Variants in TSC22D1 observed in about 807,000 individuals in gnomAD.
TSC22D1 encodes TSC22 domain family protein 1.
In TSC22D1, 9 loss-of-function variants were observed where a neutral mutation model predicts 74.2. That is an observed-to-expected ratio of 0.12 (90% CI 0.07 to 0.21). The LOEUF is 0.21. Ranked by LOEUF, TSC22D1 falls within the 10% of genes least tolerant of loss-of-function variation. TSC22D1 has a pLI of 1.00. For missense variants in TSC22D1, 1,427 were observed against 1,304.7 expected (o/e 1.09, Z -1.44); for synonymous variants, 586 against 492.5 (o/e 1.19, Z -2.51).
chr13:44,447,787 A>G (rs905696152), intron 1 of TSC22D1, among the ~76,000 whole-genome samples: 3 of 150,852 alleles, frequency 2.0e-5, no homozygotes, highest in Admixed American at 2.0e-4. Context: ...CATAACTACT[A>G]ATTCCAAAAG....
At position 44,545,649 on chromosome 13, in the gene TSC22D1, C is replaced by T. The variant is rs9595148; in HGVS notation, c.2912+27514G>A. ...CATTCTAGGATCTTGGGTTGCGTTACGTTCATAAGAGTGCACTTAGAAAAC... is the reference window on the plus strand; with the variant it reads ...CATTCTAGGATCTTGGGTTGCGTTATGTTCATAAGAGTGCACTTAGAAAAC... On this transcript the variant is annotated intron_variant, in intron 1 of 2. Coordinates refer to ENST00000458659, the MANE Select transcript of TSC22D1 (RefSeq NM_183422.4). Among the ~76,000 whole-genome samples, 963 of 150,644 alleles carry T rather than the reference C, an allele frequency of 6.4e-3. 5 individuals carry two copies. Among genetic ancestry groups the T allele is most frequent in the Non-Finnish European group, 0.011 (761 of 67,816 alleles).
At chr13:44,547,777 A>G (rs1881925140) in intron 1 of TSC22D1, among the ~76,000 whole-genome samples, 1 of 152,110 alleles carries the variant, frequency 6.6e-6, no homozygotes. Flanking sequence ...TAGGTAATGT[A>G]TTATGCTTTT....
chr13:44,548,250 C>T (rs1292985656), intron 1 of TSC22D1, among the ~76,000 whole-genome samples: 1 of 152,166 alleles, frequency 6.6e-6, no homozygotes, highest in Non-Finnish European at 1.5e-5. Context: ...GGCGCGGTGG[C>T]GCATGCCTGT....
At chr13:44,563,076 C>T (rs1883151776) in intron 1 of TSC22D1, among the ~76,000 whole-genome samples, 1 of 151,686 alleles carries the variant, frequency 6.6e-6, no homozygotes, top group Admixed American at 6.6e-5. Context: ...TGCACTCCAG[C>T]CTGGGCAACG....
intron 1 of TSC22D1, among the ~76,000 whole-genome samples, chr13:44,459,515 T>G (rs1876877264): frequency 6.6e-6 from 1 of 152,168 alleles, no homozygotes; most frequent in African/African-American, 2.4e-5. Context: ...TCATTCTTCC[T>G]GGACACGAGA....
chr13:44,561,502 C>T (rs759265511), intron 1 of TSC22D1, among the ~76,000 whole-genome samples: 5 of 152,220 alleles, frequency 3.3e-5, no homozygotes, highest in African/African-American at 4.8e-5. Flanking sequence ...CAAAGCCCAT[C>T]TGATACCAAC....
chr13:44,442,734 T>C (rs1172996555), intron 1 of TSC22D1, among the ~76,000 whole-genome samples: 4 of 151,810 alleles, frequency 2.6e-5, no homozygotes, highest in South Asian at 2.1e-4. Flanking sequence ...CTGGCCAATA[T>C]GGTGAAACCC....
At position 44,575,538 on chromosome 13, in the gene TSC22D1, G is replaced by T. The variant is rs1410625728; in HGVS notation, c.537C>A (p.Asn179Lys). ...ERSSSEETLN[N>K]FQEAETPGAV... ...CCCCAGGTGTCTCGGCTTCCTGGAA[G>T]TTATTTAGGGTCTCTTCTGAGGAGC... Residue 179 changes from asparagine to lysine, a missense_variant, in exon 1 of 3, where the codon AAC becomes AAA. By Grantham distance (94) the Asn-to-Lys change is moderately conservative. Coordinates refer to ENST00000458659, the MANE Select transcript of TSC22D1 (RefSeq NM_183422.4). 6.2e-7 allele frequency: 1 copy of T among 1,613,992 alleles called. No individual in the cohort carries two copies. The highest frequency in any genetic ancestry group is 8.5e-7 in the Non-Finnish European group (1 of 1,180,032).
chr13:44,517,827 G>A (rs866446789), intron 1 of TSC22D1, among the ~76,000 whole-genome samples: 294 of 24,560 alleles, frequency 0.012, 2 homozygotes, highest in African/African-American at 0.029. Context: ...GTGTGTGTGT[G>A]TGTATATATA....
At position 44,557,047 on chromosome 13, in the gene TSC22D1, G is replaced by T. The variant is rs568681762; in HGVS notation, c.2912+16116C>A. ...AATCCCAGCTACTTGGGAGGCTGAG[G>T]CAGGAGAATGGCTTGAACCCGGGAG... On this transcript the variant is annotated intron_variant, in intron 1 of 2. Coordinates refer to ENST00000458659, the MANE Select transcript of TSC22D1 (RefSeq NM_183422.4). Among the ~76,000 whole-genome samples, 4 of 152,064 alleles carry T rather than the reference G, an allele frequency of 2.6e-5. No individual in the cohort carries two copies. In the South Asian group the frequency reaches 8.3e-4, roughly 32 times the overall value.
intron 1 of TSC22D1, among the ~76,000 whole-genome samples, chr13:44,535,624 AC>A (rs1384235559): frequency 6.9e-6 from 1 of 144,434 alleles, no homozygotes; most frequent in African/African-American, 2.7e-5. Context: ...GCTACAAAAA[AC>A]AAACAAACAA....
At chr13:44,554,852 G>C (rs1201937386) in intron 1 of TSC22D1, among the ~76,000 whole-genome samples, 1 of 151,810 alleles carries the variant, frequency 6.6e-6, no homozygotes, top group African/African-American at 2.4e-5. Context: ...CCTTCTAATG[G>C]TCTTCAACTC....
chr13:44,516,402 G>T (rs1879985107), intron 1 of TSC22D1: 1 of 411,972 alleles, frequency 2.4e-6, no homozygotes, highest in African/African-American at 2.2e-5. Flanking sequence ...ATAAATAAAA[G>T]TTCCTGAAGA....
At chr13:44,565,739 T>G (rs1883331459) in intron 1 of TSC22D1, among the ~76,000 whole-genome samples, 1 of 152,116 alleles carries the variant, frequency 6.6e-6, no homozygotes, top group Admixed American at 6.6e-5. Context: ...ATCGAATTTT[T>G]TAAATCGAGA....
At chr13:44,437,861 G>A (rs1025366868) in intron 1 of TSC22D1, among the ~76,000 whole-genome samples, 1 of 152,154 alleles carries the variant, frequency 6.6e-6, no homozygotes, top group Admixed American at 6.5e-5. Flanking sequence ...AACCAGAAAA[G>A]GGAGGATATA....
In TSC22D1 at chr13:44,487,407, G is replaced by C. The variant is rs149229465; in HGVS notation, c.2913-51312C>G. Among the ~76,000 whole-genome samples the C allele has an allele frequency of 4.8e-3, 702 of 147,030 alleles. 7 individuals are homozygous for C. The highest frequency in any genetic ancestry group is 0.017 in the African/African-American group (674 of 39,406). ...CCAGCTACTGGGGAGGCTAAGGCAG[G>C]AGAATCACTTGAACCTGGGAGGTGG... On this transcript the variant is annotated intron_variant, in intron 1 of 2. Transcript: ENST00000458659.
At position 44,567,609 on chromosome 13, in the gene TSC22D1, A is replaced by T. The variant is rs569027468; in HGVS notation, c.2912+5554T>A. Among the ~76,000 whole-genome samples, 27 of 152,132 alleles carry T rather than the reference A, an allele frequency of 1.8e-4. No homozygotes were observed. The South Asian group carries it at 5.6e-3, about 32-fold the overall frequency. On this transcript the variant is annotated intron_variant, in intron 1 of 2. Coordinates refer to ENST00000458659, the MANE Select transcript of TSC22D1 (RefSeq NM_183422.4). ...TAGTATACTATTAAAAAGGAGCAAA[A>T]AAAAAGTTCTTGGAATTTAAATATG...
intron 1 of TSC22D1, among the ~76,000 whole-genome samples, chr13:44,454,379 A>G (rs1023994921): frequency 6.6e-6 from 1 of 152,166 alleles, no homozygotes; most frequent in Non-Finnish European, 1.5e-5. Context: ...GTAAACATAT[A>G]TAACAACATC....
At chr13:44,569,982 C>T (rs976176784) in intron 1 of TSC22D1, among the ~76,000 whole-genome samples, 1 of 152,010 alleles carries the variant, frequency 6.6e-6, no homozygotes, top group African/African-American at 2.4e-5. Context: ...TTAAAAAGTG[C>T]TAAGGAAACA....
Sources: gnomAD v4.1 joint callset for allele counts (sites outside exome capture counted in the v4.1 genomes callset) on GRCh38, gnomAD v4.1.1 for gene constraint, MANE v1.5 for transcripts, NCBI Gene and HGNC (gene_info 2026-07-23, HGNC 2026-07-21) for gene names.